CSMD1: variants seen among roughly 807,000 people sequenced by gnomAD.
The protein encoded by CSMD1 is CUB and Sushi multiple domains 1, also known as CUB and sushi domain-containing protein 1.
In CSMD1, 213 loss-of-function variants were observed where a neutral mutation model predicts 417.5. That is an observed-to-expected ratio of 0.51 (90% confidence interval 0.46 to 0.57). The LOEUF is 0.57. Ranked by LOEUF, CSMD1 falls within the 20% of genes least tolerant of loss-of-function variation. The probability of loss-of-function intolerance (pLI) is 0.00; values close to 1 mark genes in which losing one functional copy is unlikely to be tolerated. For synonymous variants in CSMD1, 2,862 were observed against 1,736.8 expected, an observed-to-expected ratio of 1.65 and a Z score of -16.11; for missense variants, 6,923 against 4,529.7, an observed-to-expected ratio of 1.53 and a Z score of -15.17.
At chr8:4,313,001 G>A (rs1270651098) in intron 3 of CSMD1, among the ~76,000 whole-genome samples, 1 of 152,126 alleles carries the variant, frequency 6.6e-6, no homozygotes, top group Non-Finnish European at 1.5e-5. Flanking sequence ...AATGAAGATG[G>A]GGAGGTAGAA....
chr8:4,174,742 T>G, intron 3 of CSMD1, among the ~76,000 whole-genome samples: 1 of 5,692 alleles, frequency 1.8e-4, no homozygotes, highest in Non-Finnish European at 3.2e-4. Flanking sequence ...AAGAGGGATG[T>G]GAGGAAGAGG....
chr8:3,193,200 C>A (rs559261607), intron 33 of CSMD1, among the ~76,000 whole-genome samples: 1 of 152,116 alleles, frequency 6.6e-6, no homozygotes, highest in Non-Finnish European at 1.5e-5. Context: ...TTCCAAGTTC[C>A]CAAAATGAGG....
chr8:3,241,049 A>C (rs1466192796), intron 26 of CSMD1, among the ~76,000 whole-genome samples: 14 of 149,078 alleles, frequency 9.4e-5, no homozygotes, highest in Middle Eastern at 6.9e-3. Context: ...GAGGTATCTC[A>C]TACTTGTGGG....
chr8:3,070,781 C>G (rs1813276398), intron 49 of CSMD1, among the ~76,000 whole-genome samples: 1 of 152,234 alleles, frequency 6.6e-6, no homozygotes, highest in Admixed American at 6.5e-5. Flanking sequence ...TTACCCAGTT[C>G]CAAAGCTGCT....
chr8:3,284,943 A>G (rs1803036357), intron 25 of CSMD1, among the ~76,000 whole-genome samples: 1 of 152,192 alleles, frequency 6.6e-6, no homozygotes, highest in Admixed American at 6.5e-5. Context: ...TCTTTATAAA[A>G]TTTTACCATA....
At chr8:4,425,366 C>T (rs939869384) in intron 2 of CSMD1, among the ~76,000 whole-genome samples, 1 of 124,750 alleles carries the variant, frequency 8.0e-6, no homozygotes, top group African/African-American at 3.2e-5. Flanking sequence ...TGGATTCATT[C>T]TTATTTGTGT....
At chr8:4,808,653 G>T (rs1223252261) in intron 1 of CSMD1, among the ~76,000 whole-genome samples, 2 of 152,142 alleles carry the variant, frequency 1.3e-5, no homozygotes, top group African/African-American at 4.8e-5. Context: ...ACAGCCTTTG[G>T]ACAATCGGTT....
intron 21 of CSMD1, among the ~76,000 whole-genome samples, chr8:3,356,910 G>C (rs1243439092): frequency 6.6e-6 from 1 of 152,120 alleles, no homozygotes; most frequent in Admixed American, 6.5e-5. Context: ...CACTGACCAG[G>C]CTCTGTTACA....
chr8:4,796,049 T>A (rs1353462178), intron 1 of CSMD1, among the ~76,000 whole-genome samples: 2 of 152,264 alleles, frequency 1.3e-5, no homozygotes, highest in South Asian at 4.1e-4. Context: ...AATGTAACAC[T>A]CACCAGGAGA....
chr8:4,154,479 G>C (rs948003220), intron 3 of CSMD1, among the ~76,000 whole-genome samples: 10 of 152,152 alleles, frequency 6.6e-5, no homozygotes, highest in Non-Finnish European at 1.0e-4. Context: ...AAGGAGAATG[G>C]TTTACCCCAA....
intron 3 of CSMD1, among the ~76,000 whole-genome samples, chr8:4,366,181 T>C (rs182133759): frequency 4.1e-4 from 62 of 152,338 alleles, no homozygotes; most frequent in Admixed American, 1.7e-3. Context: ...AGCATTTGGT[T>C]TTCTGTCTCT....
In CSMD1 at chr8:4,818,066, C is replaced by A. The variant is rs111734915; in HGVS notation, c.85+176266G>T. Among the ~76,000 whole-genome samples, 647 of 152,198 alleles carry A rather than the reference C, an allele frequency of 4.3e-3. 18 individuals are homozygous for A. Among genetic ancestry groups the A allele is most frequent in the Admixed American group, 0.035 (540 of 15,274 alleles). On this transcript the variant is annotated intron_variant, in intron 1 of 69. Coordinates refer to ENST00000635120, the MANE Select transcript of CSMD1 (RefSeq NM_033225.6). ...TTTTTATATATGAATTGCAAGGTAA[C>A]CAACTCAGGAGGATGCATTGAACTG...
At position 3,689,258 on chromosome 8, in the gene CSMD1, T is replaced by G. The variant is rs149357387; in HGVS notation, c.1009+19156A>C. Among the ~76,000 whole-genome samples, 8 of 152,262 alleles carry G rather than the reference T, an allele frequency of 5.3e-5. No homozygotes were observed. The East Asian group carries it at 1.5e-3, about 29-fold the overall frequency. On this transcript the variant is annotated intron_variant, in intron 7 of 69. Coordinates refer to ENST00000635120, the MANE Select transcript of CSMD1 (RefSeq NM_033225.6). The stretch of plus-strand genomic sequence containing the variant: ...TCCACAGTTACCATGAAGTGAATCA[T>G]GGAACTTGCAGCTGAGCGTCAGGGG...
intron 6 of CSMD1, among the ~76,000 whole-genome samples, chr8:3,750,743 T>A (rs1055340984): frequency 6.6e-6 from 1 of 152,148 alleles, no homozygotes; most frequent in Non-Finnish European, 1.5e-5. Flanking sequence ...CAGCCCCGTG[T>A]GGAGGGCTGG....
chr8:4,179,610 G>C (rs1383546163), intron 3 of CSMD1, among the ~76,000 whole-genome samples: 5 of 151,872 alleles, frequency 3.3e-5, no homozygotes, highest in Non-Finnish European at 4.4e-5. Context: ...CTTCTGCACA[G>C]CAAAACAAAC....
intron 12 of CSMD1, among the ~76,000 whole-genome samples, chr8:3,443,879 C>T (rs1384130726): frequency 2.0e-5 from 3 of 152,104 alleles, no homozygotes; most frequent in African/African-American, 4.8e-5. Flanking sequence ...AAATTTTTCA[C>T]GTCTGTGTTG....
chr8:3,297,064 C>G (rs1464382745), intron 25 of CSMD1, among the ~76,000 whole-genome samples: 2 of 152,134 alleles, frequency 1.3e-5, no homozygotes, highest in East Asian at 1.9e-4. Context: ...TACCTGGTCA[C>G]ATATGTTTGC....
At chr8:3,845,165 G>C (rs1310574009) in intron 5 of CSMD1, among the ~76,000 whole-genome samples, 2 of 152,190 alleles carry the variant, frequency 1.3e-5, no homozygotes, top group Admixed American at 6.5e-5. Context: ...GACAGTTTAT[G>C]GGAATTAGAA....
At chr8:4,783,493 T>G (rs1797257399) in intron 1 of CSMD1, among the ~76,000 whole-genome samples, 1 of 152,214 alleles carries the variant, frequency 6.6e-6, no homozygotes, top group African/African-American at 2.4e-5. Context: ...CCGGAAGTAT[T>G]GTCATTAAAT....
Sources: gnomAD v4.1 joint callset for allele counts (sites outside exome capture counted in the v4.1 genomes callset) on GRCh38, gnomAD v4.1.1 for gene constraint, MANE v1.5 for transcripts, NCBI Gene and HGNC (gene_info 2026-07-23, HGNC 2026-07-21) for gene names.